PTPRM: variants seen among roughly 807,000 people sequenced by gnomAD.
The protein encoded by PTPRM is receptor-type tyrosine-protein phosphatase mu.
A neutral mutation model predicts 186.7 loss-of-function variants in PTPRM; 47 were observed. The ratio of observed to expected loss-of-function variants is 0.25; its 90% CI spans 0.20 to 0.32. The LOEUF (loss-of-function observed/expected upper bound fraction) is 0.32. Among genes scored for constraint, PTPRM ranks in the 10% least tolerant of loss-of-function variants. The probability of loss-of-function intolerance (pLI) is 1.00; values close to 1 mark genes in which losing one functional copy is unlikely to be tolerated. For synonymous variants in PTPRM, 668 were observed against 674.9 expected (o/e 0.99, Z 0.16); for missense variants, 1,494 against 1,865.0 (o/e 0.80, Z 3.66).
intron 19 of PTPRM, among the ~76,000 whole-genome samples, chr18:8,277,897 T>C (rs1220542288): frequency 2.0e-5 from 3 of 152,226 alleles, no homozygotes; most frequent in Admixed American, 6.5e-5. Flanking sequence ...GAAAAGCCAA[T>C]ATGTTGTGCG....
chr18:7,941,085 C>T (rs746562466), intron 5 of PTPRM, among the ~76,000 whole-genome samples: 35 of 152,182 alleles, frequency 2.3e-4, no homozygotes, highest in Non-Finnish European at 3.5e-4. Flanking sequence ...TCCTGTTTTA[C>T]GTGCCTGTCC....
At position 7,904,222 on chromosome 18, in the gene PTPRM, C is replaced by G. The variant is rs1346017282; in HGVS notation, c.469-2283C>G. On this transcript the variant is annotated intron_variant, in intron 3 of 32. Transcript: ENST00000580170. ...TCTTGAGTACATGTTATGCCATTTC[C>G]CAGAATGCTAACATTTTACAACACT... Among the ~76,000 whole-genome samples the G allele has an allele frequency of 9.9e-5, 15 of 152,042 alleles. 1 individual carries two copies. The highest frequency in any genetic ancestry group is 9.8e-4 in the Admixed American group (15 of 15,266).
At chr18:8,132,540 C>T (rs543778436) in intron 13 of PTPRM, among the ~76,000 whole-genome samples, 230 of 152,114 alleles carry the variant, frequency 1.5e-3, no homozygotes, top group African/African-American at 5.1e-3. Context: ...TCTTATTAGA[C>T]ATTTCTCTGT....
chr18:7,680,840 T>TG (rs1269645328), intron 1 of PTPRM, among the ~76,000 whole-genome samples: 2 of 152,214 alleles, frequency 1.3e-5, no homozygotes, highest in Non-Finnish European at 2.9e-5. Context: ...GTGTGGGCTA[T>TG]GGGGTGGGAG....
intron 14 of PTPRM, among the ~76,000 whole-genome samples, chr18:8,187,602 C>A (rs1470625329): frequency 6.6e-6 from 1 of 152,170 alleles, no homozygotes; most frequent in Non-Finnish European, 1.5e-5. Flanking sequence ...AGCACGGAGG[C>A]CAGTATGGCT....
intron 1 of PTPRM, among the ~76,000 whole-genome samples, chr18:7,606,794 G>C (rs781649359): frequency 4.6e-5 from 7 of 152,192 alleles, no homozygotes; most frequent in Non-Finnish European, 8.8e-5. Context: ...GGTTGAGTGG[G>C]GAGGGAGGAT....
chr18:8,179,518 G>A (rs906670685), intron 14 of PTPRM, among the ~76,000 whole-genome samples: 3 of 148,194 alleles, frequency 2.0e-5, no homozygotes, highest in African/African-American at 7.5e-5. Context: ...TCACCAGACT[G>A]GAGTGTAGTG....
intron 2 of PTPRM, among the ~76,000 whole-genome samples, chr18:7,861,161 T>C (rs1193989041): frequency 6.6e-6 from 1 of 152,206 alleles, no homozygotes; most frequent in Non-Finnish European, 1.5e-5. Context: ...CTTCGCTCTG[T>C]TTCTAGACCT....
At chr18:7,787,758 C>T (rs964129486) in intron 2 of PTPRM, among the ~76,000 whole-genome samples, 1 of 152,148 alleles carries the variant, frequency 6.6e-6, no homozygotes, top group African/African-American at 2.4e-5. Flanking sequence ...TCTTAGGACT[C>T]CTTTATACTC....
chr18:7,730,917 A>T (rs1280752630), intron 1 of PTPRM, among the ~76,000 whole-genome samples: 1 of 152,160 alleles, frequency 6.6e-6, no homozygotes, highest in Non-Finnish European at 1.5e-5. Context: ...GATCTGATGG[A>T]GATGGATTTA....
chr18:8,197,532 A>G (rs2093796175), intron 14 of PTPRM, among the ~76,000 whole-genome samples: 1 of 152,234 alleles, frequency 6.6e-6, no homozygotes, highest in African/African-American at 2.4e-5. Context: ...AGAATTAAGA[A>G]GTTGCTTAGG....
At chr18:7,625,513 T>C (rs1188755005) in intron 1 of PTPRM, among the ~76,000 whole-genome samples, 5 of 140,556 alleles carry the variant, frequency 3.6e-5, no homozygotes, top group Admixed American at 7.0e-5. Context: ...CATGACCTCT[T>C]GAATGAAAAG....
intron 11 of PTPRM, among the ~76,000 whole-genome samples, chr18:8,100,277 G>A (rs556667543): frequency 6.6e-6 from 1 of 152,244 alleles, no homozygotes; most frequent in East Asian, 1.9e-4. Context: ...GAGTATCTGG[G>A]ATTATAGGCG....
intron 7 of PTPRM, among the ~76,000 whole-genome samples, chr18:8,021,294 G>C (rs1600109867): frequency 6.7e-6 from 1 of 149,504 alleles, no homozygotes; most frequent in East Asian, 2.0e-4. Flanking sequence ...AAAACCAAGT[G>C]ATTTGTGCTT....
At chr18:8,057,425 C>CTTTTTTTTTT (rs763829289) in intron 7 of PTPRM, among the ~76,000 whole-genome samples, 1 of 102,562 alleles carries the variant, frequency 9.8e-6, no homozygotes, top group Non-Finnish European at 1.9e-5. Context: ...TGTGATACTT[C>CTTTTTTTTTT]TTTTTTTTTT....
At chr18:8,111,269 G>T (rs555475308) in intron 11 of PTPRM, among the ~76,000 whole-genome samples, 1 of 152,132 alleles carries the variant, frequency 6.6e-6, no homozygotes, top group African/African-American at 2.4e-5. Context: ...TGAAAATCAT[G>T]TCATACAGGA....
rs79430558 is a variant in PTPRM at position 8,082,904 on chromosome 18, C to T, written c.1552-2767C>T. ...TTCTCCTCATATGTTCCATTCTTTTCGATACATGGGACCGTCTTCTGATCA... is the reference window on the plus strand; with the variant it reads ...TTCTCCTCATATGTTCCATTCTTTTTGATACATGGGACCGTCTTCTGATCA... On this transcript the variant is annotated intron_variant, in intron 9 of 32. Transcript: ENST00000580170. 2.7e-4 allele frequency among the ~76,000 whole-genome samples: 41 copies of T among 152,130 alleles called. No homozygotes were observed. In the East Asian group the frequency reaches 3.5e-3, roughly 13 times the overall value.
chr18:8,050,447 T>C (rs944384431), intron 7 of PTPRM, among the ~76,000 whole-genome samples: 5 of 151,792 alleles, frequency 3.3e-5, no homozygotes, highest in Admixed American at 3.3e-4. Flanking sequence ...AATATGAATA[T>C]GAATATTGAA....
intron 9 of PTPRM, among the ~76,000 whole-genome samples, chr18:8,077,265 A>G (rs546666043): frequency 6.6e-6 from 1 of 152,148 alleles, no homozygotes; most frequent in African/African-American, 2.4e-5. Flanking sequence ...CCACAAAATT[A>G]TATGTTGTAA....
Sources: allele counts gnomAD v4.1 joint callset (sites outside exome capture counted in the v4.1 genomes callset), GRCh38; gene constraint gnomAD v4.1.1; transcripts MANE v1.5; gene names NCBI Gene and HGNC (gene_info 2026-07-23, HGNC 2026-07-21).